Variants in FLRT1 observed in about 807,000 individuals in gnomAD.
The protein encoded by FLRT1 is leucine-rich repeat transmembrane protein FLRT1.
Under a neutral mutation model 30.9 loss-of-function variants are expected in FLRT1, and 14 were observed. The observed-to-expected ratio is 0.45, with a 90% CI of 0.30 to 0.71. The LOEUF is 0.71. FLRT1 is among the 30% of genes least tolerant of loss of function. The probability of loss-of-function intolerance (pLI) is 0.08; values close to 1 mark genes in which losing one functional copy is unlikely to be tolerated. For synonymous variants in FLRT1, 368 were observed against 430.4 expected, an observed-to-expected ratio of 0.85 and a Z score of 1.80; for missense variants, 737 against 949.2, an observed-to-expected ratio of 0.78 and a Z score of 2.94.
At chr11:64,089,346 G>A (rs1043608841) in intron 1 of FLRT1, among the ~76,000 whole-genome samples, 8 of 152,136 alleles carry the variant, frequency 5.3e-5, no homozygotes, top group Non-Finnish European at 1.0e-4. Flanking sequence ...ACCCAAACTC[G>A]GTCAAAATAG....
chr11:64,086,357 A>G (rs1944395049), intron 1 of FLRT1, among the ~76,000 whole-genome samples: 1 of 152,060 alleles, frequency 6.6e-6, no homozygotes, highest in Non-Finnish European at 1.5e-5. Context: ...TGAATCTTAC[A>G]TATGCATATG....
chr11:64,116,098 G>T, intron 2 of FLRT1, 121 bp from the exon 3 acceptor site: 2 of 1,032,098 alleles, frequency 1.9e-6, no homozygotes, highest in Non-Finnish European at 1.4e-6. Flanking sequence ...ACCTCACCCC[G>T]CAGGACCGGA....
Position 64,089,141 on chromosome 11 carries a change from T to C in FLRT1, c.-1037-14053T>C, listed in dbSNP as rs547568130. Among the ~76,000 whole-genome samples, 3 of 152,298 alleles carry C rather than the reference T, an allele frequency of 2.0e-5. No homozygotes were observed. The East Asian group carries it at 5.8e-4, about 29-fold the overall frequency. On this transcript the variant is annotated intron_variant, in intron 1 of 2. Coordinates refer to ENST00000682287, the MANE Select transcript of FLRT1 (RefSeq NM_013280.5). ...AGGCAGGAGCCCAGGAGCCCGCTGGTGACCAGCAGCCTTCCAGGCACAGGG... is the reference window on the plus strand; with the variant it reads ...AGGCAGGAGCCCAGGAGCCCGCTGGCGACCAGCAGCCTTCCAGGCACAGGG...
intron 1 of FLRT1, among the ~76,000 whole-genome samples, chr11:64,042,863 C>T (rs1453260501): frequency 6.6e-6 from 1 of 152,214 alleles, no homozygotes; most frequent in Non-Finnish European, 1.5e-5. Context: ...GTGCCACACC[C>T]CAGTTTCCAG....
chr11:64,062,139 C>T (rs1943917798), intron 1 of FLRT1, among the ~76,000 whole-genome samples: 1 of 152,042 alleles, frequency 6.6e-6, no homozygotes, highest in African/African-American at 2.4e-5. Flanking sequence ...CAAGGCCTTC[C>T]TGGATTTCCC....
intron 1 of FLRT1, among the ~76,000 whole-genome samples, chr11:64,079,397 C>T (rs1304174470): frequency 1.4e-5 from 2 of 138,570 alleles, no homozygotes; most frequent in African/African-American, 2.7e-5. Context: ...GGAAGGGGGT[C>T]GTTGGGGATG....
chr11:64,051,428 C>T (rs1016076172), intron 1 of FLRT1, among the ~76,000 whole-genome samples: 2 of 152,170 alleles, frequency 1.3e-5, no homozygotes, highest in Admixed American at 6.5e-5. Flanking sequence ...ACAGTGATGG[C>T]GGACCCACCC....
At chr11:64,070,479 A>AAGCTTTCGGAC (rs1330383019) in intron 1 of FLRT1, among the ~76,000 whole-genome samples, 1 of 152,192 alleles carries the variant, frequency 6.6e-6, no homozygotes, top group Non-Finnish European at 1.5e-5. Flanking sequence ...AGCTGGTGGG[A>AAGCTTTCGGAC]AGCTTTCGGA....
At chr11:64,081,461 A>G (rs531093218) in intron 1 of FLRT1, among the ~76,000 whole-genome samples, 1 of 152,346 alleles carries the variant, frequency 6.6e-6, no homozygotes, top group East Asian at 1.9e-4. Context: ...AGGGATTGGC[A>G]GAGTGCCAGC....
chr11:64,042,093 G>C (rs1590827972), intron 1 of FLRT1, among the ~76,000 whole-genome samples: 2 of 152,260 alleles, frequency 1.3e-5, no homozygotes, highest in African/African-American at 2.4e-5. Context: ...GGTGGCGGTG[G>C]CCCAGTCCAG....
intron 1 of FLRT1, among the ~76,000 whole-genome samples, chr11:64,092,338 G>T (rs1207801966): frequency 3.9e-5 from 6 of 152,252 alleles, no homozygotes; most frequent in South Asian, 2.1e-4. Flanking sequence ...CAAGGCCAGA[G>T]ACACAGAGCC....
intron 2 of FLRT1, among the ~76,000 whole-genome samples, chr11:64,105,788 G>T (rs2134574072): frequency 6.6e-6 from 1 of 152,306 alleles, no homozygotes; most frequent in African/African-American, 2.4e-5. Context: ...GGGCGCCAAG[G>T]CCCCAGGAGG....
chr11:64,097,776 A>T (rs1042284956), intron 1 of FLRT1, among the ~76,000 whole-genome samples: 1 of 152,154 alleles, frequency 6.6e-6, no homozygotes, highest in African/African-American at 2.4e-5. Context: ...CCCATCTCAC[A>T]GGGCAGAAGG....
intron 1 of FLRT1, among the ~76,000 whole-genome samples, chr11:64,088,144 T>C (rs1944426912): frequency 6.6e-6 from 1 of 152,166 alleles, no homozygotes; most frequent in African/African-American, 2.4e-5. Context: ...GAAAGTGCTC[T>C]GCAAAAATAA....
chr11:64,085,699 G>A (rs1565225599), intron 1 of FLRT1, among the ~76,000 whole-genome samples: 1 of 152,206 alleles, frequency 6.6e-6, no homozygotes, highest in Non-Finnish European at 1.5e-5. Context: ...GACAGGCCCA[G>A]GGGCAACCTT....
rs900540526 is a variant in FLRT1 at position 64,118,411 on chromosome 11, C to G, written c.*119C>G. 4.6e-5 allele frequency: 59 copies of G among 1,286,436 alleles called. No individual in the cohort carries two copies. The highest frequency in any genetic ancestry group is 6.3e-5 in the Admixed American group (2 of 31,862). The allele number at this position is 1,286,436 out of a possible 1,614,324, so 79.7% of individuals were successfully genotyped here. On this transcript the variant is annotated 3_prime_UTR_variant, in exon 3 of 3. Coordinates refer to ENST00000682287, the MANE Select transcript of FLRT1 (RefSeq NM_013280.5). ...AAGAGAAATTCCATGGGTGACTTTC[C>G]TCCGCAGAAAGCAAAGTTTGGGGAG...
At chr11:64,069,178 G>A (rs1025449940) in intron 1 of FLRT1, among the ~76,000 whole-genome samples, 7 of 152,226 alleles carry the variant, frequency 4.6e-5, no homozygotes, top group South Asian at 2.1e-4. Context: ...GAGGTGCGGG[G>A]AGCAGAGCAG....
chr11:64,074,177 T>C (rs1668985336), intron 1 of FLRT1, among the ~76,000 whole-genome samples: 1 of 152,216 alleles, frequency 6.6e-6, no homozygotes, highest in African/African-American at 2.4e-5. Flanking sequence ...GGTCTCCTTT[T>C]ATGATGGGGA....
At chr11:64,054,514 C>A (rs1943748977) in intron 1 of FLRT1, among the ~76,000 whole-genome samples, 1 of 152,122 alleles carries the variant, frequency 6.6e-6, no homozygotes, top group African/African-American at 2.4e-5. Flanking sequence ...CCCCTTGCAT[C>A]TTCTCTCTGC....
Sources: allele counts gnomAD v4.1 joint callset (sites outside exome capture counted in the v4.1 genomes callset), GRCh38; gene constraint gnomAD v4.1.1; transcripts MANE v1.5; gene names NCBI Gene and HGNC (gene_info 2026-07-23, HGNC 2026-07-21).